Variants in KCNMA1 observed in about 807,000 individuals in gnomAD.
KCNMA1 encodes Calcium-activated potassium channel subunit alpha-1.
Under a neutral mutation model 140.0 loss-of-function variants are expected in KCNMA1, and 29 were observed. That is an observed-to-expected ratio of 0.21 (90% CI 0.15 to 0.28). KCNMA1 has a LOEUF of 0.28. Ranked by LOEUF, KCNMA1 falls within the 10% of genes least tolerant of loss-of-function variation. KCNMA1 has a pLI of 1.00. For synonymous variants in KCNMA1, 612 were observed against 611.9 expected (o/e 1.00, Z 0.00); for missense variants, 880 against 1,602.2 (o/e 0.55, Z 7.70).
chr10:77,221,706 A>G (rs1342224687), intron 3 of KCNMA1, among the ~76,000 whole-genome samples: 1 of 152,170 alleles, frequency 6.6e-6, no homozygotes, highest in Non-Finnish European at 1.5e-5. Flanking sequence ...CAAACAAAAA[A>G]TTGTGAGGGT....
At chr10:77,192,617 G>C (rs1459484041) in intron 3 of KCNMA1, among the ~76,000 whole-genome samples, 1 of 152,154 alleles carries the variant, frequency 6.6e-6, no homozygotes, top group Non-Finnish European at 1.5e-5. Flanking sequence ...TCCCAACGTT[G>C]TTCTAAGACT....
intron 2 of KCNMA1, among the ~76,000 whole-genome samples, chr10:77,279,667 C>A (rs753222322): frequency 3.6e-4 from 55 of 152,204 alleles, no homozygotes; most frequent in Non-Finnish European, 6.8e-4. Flanking sequence ...ATATCCCCAC[C>A]CAGATCTCAT....
intron 2 of KCNMA1, among the ~76,000 whole-genome samples, chr10:77,339,584 C>T (rs1481738469): frequency 1.3e-5 from 2 of 152,218 alleles, no homozygotes; most frequent in East Asian, 1.9e-4. Context: ...CAAAGACCTG[C>T]CTGCAACTCC....
intron 2 of KCNMA1, among the ~76,000 whole-genome samples, chr10:77,382,988 G>GTATA (rs2095470217): frequency 1.3e-4 from 6 of 44,960 alleles, no homozygotes; most frequent in African/African-American, 8.4e-4. Flanking sequence ...GTGTGTGTGT[G>GTATA]TGTGTGTATA....
intron 14 of KCNMA1, among the ~76,000 whole-genome samples, chr10:77,052,095 T>C (rs2095389914): frequency 6.6e-6 from 1 of 152,188 alleles, no homozygotes. Context: ...ACTATGCCAA[T>C]TAGATGTGGG....
intron 3 of KCNMA1, among the ~76,000 whole-genome samples, chr10:77,207,177 C>T (rs868620715): frequency 6.6e-6 from 1 of 152,180 alleles, no homozygotes; most frequent in African/African-American, 2.4e-5. Context: ...AGTCTTGTCC[C>T]ATGTTAATCT....
chr10:77,628,378 G>A (rs118009926), intron 1 of KCNMA1, among the ~76,000 whole-genome samples: 22 of 152,288 alleles, frequency 1.4e-4, no homozygotes, highest in East Asian at 3.9e-4. Context: ...AAATCTCGCC[G>A]GGCGCGGTGG....
At chr10:77,107,851 G>A (rs535269638) in intron 9 of KCNMA1, among the ~76,000 whole-genome samples, 16 of 152,328 alleles carry the variant, frequency 1.1e-4, no homozygotes, top group African/African-American at 3.6e-4. Flanking sequence ...TGCCTTTGCA[G>A]TAGGCCAGAT....
At chr10:77,053,711 A>T (rs2095450089) in intron 14 of KCNMA1, among the ~76,000 whole-genome samples, 1 of 152,150 alleles carries the variant, frequency 6.6e-6, no homozygotes, top group Non-Finnish European at 1.5e-5. Flanking sequence ...TTCTCCCATC[A>T]GTGATCCAGT....
intron 2 of KCNMA1, among the ~76,000 whole-genome samples, chr10:77,387,775 G>A (rs2095668103): frequency 6.6e-6 from 1 of 151,932 alleles, no homozygotes; most frequent in Admixed American, 6.6e-5. Context: ...CTGCCAGCAT[G>A]CTCAGCTAAT....
At chr10:77,136,591 TGAA>T (rs1458788472) in intron 5 of KCNMA1, among the ~76,000 whole-genome samples, 1 of 31,498 alleles carries the variant, frequency 3.2e-5, no homozygotes, top group African/African-American at 2.2e-4. Context: ...TTGGAAATGC[TGAA>T]AAAAAAAAAA....
At chr10:77,135,071 G>T (rs1013684594) in intron 5 of KCNMA1, among the ~76,000 whole-genome samples, 1 of 141,558 alleles carries the variant, frequency 7.1e-6, no homozygotes, top group Non-Finnish European at 1.5e-5. Flanking sequence ...CTACAGAATG[G>T]GAGAAAAATA....
intron 3 of KCNMA1, among the ~76,000 whole-genome samples, chr10:77,198,080 C>A (rs754252688): frequency 1.3e-5 from 2 of 152,116 alleles, no homozygotes; most frequent in African/African-American, 2.4e-5. Flanking sequence ...CAACAAATAA[C>A]CTCATGAGAG....
chr10:77,174,212 G>T (rs2098733555), intron 5 of KCNMA1, among the ~76,000 whole-genome samples: 1 of 152,054 alleles, frequency 6.6e-6, no homozygotes, highest in Admixed American at 6.5e-5. Flanking sequence ...ATTTGGGTAG[G>T]GTGGTAGAGG....
intron 1 of KCNMA1, among the ~76,000 whole-genome samples, chr10:77,624,229 GTTTCTT>G (rs2092102959): frequency 6.6e-6 from 1 of 152,144 alleles, no homozygotes; most frequent in Admixed American, 6.5e-5. Flanking sequence ...TTAATCAGAT[GTTTCTT>G]TTTATGTTCA....
chr10:77,600,041 G>C (rs2082139548), intron 1 of KCNMA1, among the ~76,000 whole-genome samples: 1 of 152,206 alleles, frequency 6.6e-6, no homozygotes, highest in Non-Finnish European at 1.5e-5. Flanking sequence ...GTCACCCTGA[G>C]CATACGCTGT....
chr10:77,324,959 CTCTCTCTCTCTCTG>C (rs1264218374), intron 2 of KCNMA1, among the ~76,000 whole-genome samples: 10 of 121,382 alleles, frequency 8.2e-5, no homozygotes, highest in African/African-American at 3.0e-4. Flanking sequence ...CTCTCTCTCT[CTCTCTCTCTCTCTG>C]TGTGTGTGTG....
rs2154433902 is a variant in KCNMA1 at position 77,385,080 on chromosome 10, C to T, written c.540+18782G>A. Among the ~76,000 whole-genome samples, 3 of 152,310 alleles carry T rather than the reference C, an allele frequency of 2.0e-5. No homozygotes were observed. In the East Asian group the frequency reaches 5.8e-4, roughly 29 times the overall value. On this transcript the variant is annotated intron_variant, in intron 2 of 27. Transcript: ENST00000286628. ...GCCACTTGTCTTCTACACAGTCATA[C>T]TCAATGTGTTTATACATGATTTATA...
chr10:77,630,971 T>C (rs548339879), intron 1 of KCNMA1, among the ~76,000 whole-genome samples: 64 of 151,646 alleles, frequency 4.2e-4, no homozygotes, highest in African/African-American at 1.5e-3. Flanking sequence ...CCAGGTGTGG[T>C]GGCACACACC....
Sources: allele counts gnomAD v4.1 joint callset (sites outside exome capture counted in the v4.1 genomes callset), GRCh38; gene constraint gnomAD v4.1.1; transcripts MANE v1.5; gene names NCBI Gene and HGNC (gene_info 2026-07-23, HGNC 2026-07-21).